Variants in ABCA8 observed in about 807,000 individuals in gnomAD.
The protein encoded by ABCA8 is ABC-type organic anion transporter ABCA8.
ABCA8 carries 177 observed loss-of-function variants against 192.3 expected under a neutral mutation model. That is an observed-to-expected ratio of 0.92 (90% CI 0.81 to 1.04). The LOEUF (loss-of-function observed/expected upper bound fraction) is 1.04, where lower values mean the gene tolerates loss of function less well. Ranked by LOEUF, ABCA8 falls within the 50% of genes least tolerant of loss-of-function variation. ABCA8 has a pLI of 0.00. For synonymous variants in ABCA8, 642 were observed against 690.2 expected (o/e 0.93, Z 1.09); for missense variants, 1,915 against 1,904.8 (o/e 1.01, Z -0.10).
chr17:68,914,531 T>C (rs2067305527), intron 17 of ABCA8, among the ~76,000 whole-genome samples: 1 of 152,026 alleles, frequency 6.6e-6, no homozygotes, highest in African/African-American at 2.4e-5. Context: ...ATCAAGAAAG[T>C]AATCCCATTG....
Position 68,868,839 on chromosome 17 carries a change from T to A in ABCA8, c.4712-483A>T, listed in dbSNP as rs931552162. 3.3e-5 allele frequency among the ~76,000 whole-genome samples: 5 copies of A among 152,126 alleles called. No individual in the cohort carries two copies. The South Asian group carries it at 1.0e-3, about 31-fold the overall frequency. ...GACCAAAATAGACTGGGAGAGGCGG[T>A]TAGAGCTCTAATAGGAGCTCAGCAG... On this transcript the variant is annotated intron_variant, in intron 38 of 39. Transcript: ENST00000586539.
At chr17:68,932,542 T>C in intron 6 of ABCA8, 28 bp from the exon 7 acceptor site, 1 of 1,503,054 alleles carries the variant, frequency 6.7e-7, no homozygotes, top group Middle Eastern at 1.7e-4. Context: ...TAAGCAAAAT[T>C]TGTACGTTAA....
intron 29 of ABCA8, 30 bp from the exon 30 acceptor site, chr17:68,882,749 T>C (rs754393581): frequency 1.4e-5 from 22 of 1,595,464 alleles, no homozygotes; most frequent in East Asian, 9.0e-5. Flanking sequence ...TTAATATTGA[T>C]TTCTGGCTTT....
In ABCA8 at chr17:68,867,997, A is replaced by C; in HGVS notation, c.*88T>G. 3 of 987,362 alleles carry C rather than the reference A, an allele frequency of 3.0e-6. No individual in the cohort carries two copies. The highest frequency in any genetic ancestry group is 3.5e-5 in the South Asian group (2 of 57,094). The allele number at this position is 987,362 out of a possible 1,614,324, so 61.2% of individuals were successfully genotyped here. A position where few individuals can be genotyped will look rare whatever the true frequency, so the allele number is the denominator to read the frequency against. ...AGAACCATTTCTGTACTTATAATAT[A>C]GTTTCTAAAAATAGAACATTGCTGC... On this transcript the variant is annotated 3_prime_UTR_variant, in exon 40 of 40. Coordinates refer to ENST00000586539, the MANE Select transcript of ABCA8 (RefSeq NM_001288985.2).
chr17:68,940,774 A>T lies in ABCA8; in HGVS notation c.285T>A (p.Ser95=). ...AAAACTTACCTGCCAGGAAGGGAGTAGAGGCTACTTTATTCATTATCTGTT... is the reference window on the plus strand; with the variant it reads ...AAAACTTACCTGCCAGGAAGGGAGTTGAGGCTACTTTATTCATTATCTGTT... ...TTQQIMNKVA[S]TPFLAGKEVL... is the part of the protein sequence containing the mutation. Residue 95 remains serine (S), a synonymous_variant, in exon 4 of 40, where the codon TCT becomes TCA. Coordinates refer to ENST00000586539, the MANE Select transcript of ABCA8 (RefSeq NM_001288985.2). 1 of 1,613,276 alleles carries T rather than the reference A, an allele frequency of 6.2e-7. No homozygotes were observed. Among genetic ancestry groups the T allele is most frequent in the Non-Finnish European group, 8.5e-7 (1 of 1,179,328 alleles).
chr17:68,903,384 C>G lies in ABCA8; in HGVS notation c.2514G>C (p.Val838=), dbSNP rs1025807833. The G allele has an allele frequency of 6.2e-7, 1 of 1,614,064 alleles. No homozygotes were observed. Among genetic ancestry groups the G allele is most frequent in the African/African-American group, 1.3e-5 (1 of 74,938 alleles). The change falls in exon 20 of 40, where the codon GTG becomes GTC. Residue 838 remains valine, a synonymous_variant. Transcript: ENST00000586539. The stretch of plus-strand genomic sequence containing the variant: ...CGCAGATTTGCTGTCGCCAGAGAGC[C>G]ACACCACCTATTGTCTTTCTCATCT... ...LNKMRKTIGG[V]ALWRQQICAI...
At chr17:68,913,990 G>A (rs2067286688) in intron 17 of ABCA8, among the ~76,000 whole-genome samples, 1 of 151,990 alleles carries the variant, frequency 6.6e-6, no homozygotes, top group Non-Finnish European at 1.5e-5. Flanking sequence ...AGAGATTCAA[G>A]GATGGTTCAA....
chr17:68,954,177 C>A (rs1482487349), intron 1 of ABCA8, among the ~76,000 whole-genome samples: 62 of 102,020 alleles, frequency 6.1e-4, no homozygotes, highest in South Asian at 1.2e-3. Flanking sequence ...CCAATGCTAT[C>A]CCTCCCCCCT....
At chr17:68,919,866 G>A (rs2067487556) in intron 13 of ABCA8, 1 of 156,840 alleles carries the variant, frequency 6.4e-6, no homozygotes, top group African/African-American at 2.4e-5. Flanking sequence ...ACACGCAGCT[G>A]TCCTAACTGA....
At chr17:68,889,316 G>T (rs2066570672) in intron 24 of ABCA8, among the ~76,000 whole-genome samples, 1 of 152,136 alleles carries the variant, frequency 6.6e-6, no homozygotes, top group Non-Finnish European at 1.5e-5. Flanking sequence ...GCCTAAGATT[G>T]CCACTCAAAA....
In ABCA8 at chr17:68,894,861, T is replaced by C; in HGVS notation, c.2898+19A>G. The C allele has an allele frequency of 6.2e-7, 1 of 1,603,000 alleles. No individual in the cohort carries two copies. Among genetic ancestry groups the C allele is most frequent in the Non-Finnish European group, 8.5e-7 (1 of 1,176,360 alleles). ...TAGCTTTTCACATTTTTCAGAAAGATTATTAGAGACCTGCATACCTTTTCA... is the reference window on the plus strand; with the variant it reads ...TAGCTTTTCACATTTTTCAGAAAGACTATTAGAGACCTGCATACCTTTTCA... On this transcript the variant is annotated intron_variant, in intron 22 of 39. Coordinates refer to ENST00000586539, the MANE Select transcript of ABCA8 (RefSeq NM_001288985.2).
intron 21 of ABCA8, 38 bp downstream of exon 21, chr17:68,902,675 A>G (rs780248859): frequency 2.6e-6 from 4 of 1,562,242 alleles, no homozygotes; most frequent in Non-Finnish European, 3.5e-6. Context: ...TGCTCTGAAC[A>G]GTAAATGTAT....
At position 68,875,743 on chromosome 17, in the gene ABCA8, CAA is replaced by C. The variant is rs2066187251; in HGVS notation, c.4371-12_4371-11del. On this transcript the variant is annotated splice_polypyrimidine_tract_variant and intron_variant, in intron 35 of 39. Coordinates refer to ENST00000586539, the MANE Select transcript of ABCA8 (RefSeq NM_001288985.2). Reference sequence around the variant, plus strand: ...GGCCCGGATGGCCTGCCTATAATGTCAAGAGATTATTTGCAATTTAGGAAATC... The same window carrying C: ...GGCCCGGATGGCCTGCCTATAATGTCGAGATTATTTGCAATTTAGGAAATC... 1 of 1,602,148 alleles carries C rather than the reference CAA, an allele frequency of 6.2e-7. No homozygotes were observed. Among genetic ancestry groups the C allele is most frequent in the South Asian group, 1.1e-5 (1 of 89,028 alleles).
chr17:68,909,489 C>T (rs2067180053), intron 17 of ABCA8, among the ~76,000 whole-genome samples: 1 of 152,130 alleles, frequency 6.6e-6, no homozygotes, highest in Admixed American at 6.5e-5. Context: ...TGAATGGACT[C>T]GCAAATTGGG....
In ABCA8 at chr17:68,882,630, G is replaced by T. The variant is rs1220838824; in HGVS notation, c.3797C>A (p.Ala1266Glu). ...EDVQMERVRT[A>E]NALNSTNFDE... is the part of the protein sequence containing the mutation. The stretch of plus-strand genomic sequence containing the variant: ...AAAATTAGTAGAATTCAAGGCATTT[G>T]CTGTTCTCACTCTTTCCATCTGAAC... The change falls in exon 30 of 40, where the codon GCA becomes GAA. Residue 1266 changes from alanine (A) to glutamate (E), a missense_variant. Ala to Glu is a moderately radical substitution (Grantham distance 107). Coordinates refer to ENST00000586539, the MANE Select transcript of ABCA8 (RefSeq NM_001288985.2). The T allele has an allele frequency of 1.2e-6, 2 of 1,612,464 alleles. No homozygotes were observed. The highest frequency in any genetic ancestry group is 1.7e-4 in the Middle Eastern group (1 of 6,054).
intron 37 of ABCA8, among the ~76,000 whole-genome samples, chr17:68,874,638 A>G (rs1376032341): frequency 6.6e-6 from 1 of 152,136 alleles, no homozygotes; most frequent in Non-Finnish European, 1.5e-5. Flanking sequence ...ATTTTCCCAC[A>G]TTGTTATGAT....
At chr17:68,875,825 A>G in intron 35 of ABCA8, 92 bp from the exon 36 acceptor site, 1 of 1,403,222 alleles carries the variant, frequency 7.1e-7, no homozygotes, top group African/African-American at 1.4e-5. Flanking sequence ...CATGCGTGTG[A>G]ATAATTAGCA....
chr17:68,905,383 A>G (rs1197961950), intron 19 of ABCA8, among the ~76,000 whole-genome samples: 2 of 152,350 alleles, frequency 1.3e-5, no homozygotes, highest in East Asian at 1.9e-4. Flanking sequence ...TATGATAAAT[A>G]TGTTACAAGA....
chr17:68,894,810 G>A (rs35114417), intron 22 of ABCA8, 70 bp downstream of exon 22: 2 of 1,467,054 alleles, frequency 1.4e-6, no homozygotes, highest in Non-Finnish European at 1.8e-6. Flanking sequence ...TCTTAAGTTG[G>A]AAGCCTGAGT....
Sources: gnomAD v4.1 joint callset for allele counts (sites outside exome capture counted in the v4.1 genomes callset) on GRCh38, gnomAD v4.1.1 for gene constraint, MANE v1.5 for transcripts, NCBI Gene and HGNC (gene_info 2026-07-23, HGNC 2026-07-21) for gene names.